Variants in TLN2 observed in about 807,000 individuals in gnomAD.
TLN2 encodes talin-2.
A neutral mutation model predicts 294.7 loss-of-function variants in TLN2; 118 were observed. The ratio of observed to expected loss-of-function variants is 0.40; its 90% CI spans 0.34 to 0.47. The LOEUF (loss-of-function observed/expected upper bound fraction) is 0.47, where lower values mean the gene tolerates loss of function less well. Ranked by LOEUF, TLN2 falls within the 20% of genes least tolerant of loss-of-function variation. The probability of loss-of-function intolerance (pLI) is 0.84; values close to 1 mark genes in which losing one functional copy is unlikely to be tolerated. For synonymous variants in TLN2, 1,431 were observed against 1,304.5 expected (o/e 1.10, Z -2.09); for missense variants, 3,083 against 3,282.2 (o/e 0.94, Z 1.48).
intron 43 of TLN2, among the ~76,000 whole-genome samples, chr15:62,779,873 C>T (rs940585722): frequency 6.6e-6 from 1 of 152,240 alleles, no homozygotes; most frequent in African/African-American, 2.4e-5. Context: ...AGCCACATCA[C>T]GCATAGGCCA....
At chr15:62,472,807 G>A (rs1049709858) in intron 1 of TLN2, among the ~76,000 whole-genome samples, 3 of 152,158 alleles carry the variant, frequency 2.0e-5, no homozygotes, top group East Asian at 3.9e-4. Flanking sequence ...TTGAGCATTC[G>A]TTGAATGAGC....
At chr15:62,796,494 TGCCTTTGACA>T (rs2065488137) in intron 47 of TLN2, among the ~76,000 whole-genome samples, 1 of 152,198 alleles carries the variant, frequency 6.6e-6, no homozygotes, top group South Asian at 2.1e-4. Flanking sequence ...GTTCGAGCTT[TGCCTTTGACA>T]GCCTTAAATC....
At chr15:62,723,208 T>C (rs2060249294) in intron 26 of TLN2, among the ~76,000 whole-genome samples, 1 of 152,326 alleles carries the variant, frequency 6.6e-6, no homozygotes, top group South Asian at 2.1e-4. Flanking sequence ...ATGAGGAGAA[T>C]GCTACACTGC....
chr15:62,756,748 T>G lies in TLN2; in HGVS notation c.4638+1055T>G, dbSNP rs956039199. Among the ~76,000 whole-genome samples the G allele has an allele frequency of 1.1e-4, 16 of 152,188 alleles. 2 individuals are homozygous for G. The highest frequency in any genetic ancestry group is 8.5e-4 in the Admixed American group (13 of 15,282). ...TTTTGTTTTGACTACAAAAAGCCAG[T>G]GCAATTGCATGCAGAAATCAGTCAA... On this transcript the variant is annotated intron_variant, in intron 37 of 58. Transcript: ENST00000636159.
chr15:62,690,056 G>A (rs1190651325), intron 12 of TLN2, among the ~76,000 whole-genome samples: 2 of 75,374 alleles, frequency 2.7e-5, no homozygotes, highest in South Asian at 5.4e-4. Context: ...GGGCAGAGGC[G>A]CCCCTCACCT....
intron 52 of TLN2, among the ~76,000 whole-genome samples, chr15:62,815,177 T>TCACACACACACACACACACACA (rs3055852): frequency 1.4e-5 from 2 of 140,592 alleles, no homozygotes; most frequent in Non-Finnish European, 3.1e-5. Context: ...ATTCTGTCTG[T>TCACACACACACACACACACACA]CACACACACA....
chr15:62,429,108 TG>T (rs1459526679), intron 1 of TLN2, among the ~76,000 whole-genome samples: 2 of 41,048 alleles, frequency 4.9e-5, no homozygotes, highest in Non-Finnish European at 1.2e-4. Flanking sequence ...TGGCTCTGGG[TG>T]GGAACCGGGG....
intron 1 of TLN2, among the ~76,000 whole-genome samples, chr15:62,450,816 C>T (rs936141297): frequency 6.6e-6 from 1 of 152,056 alleles, no homozygotes; most frequent in Non-Finnish European, 1.5e-5. Context: ...AGCTGTCCTT[C>T]TACCTCAGCC....
In TLN2 at chr15:62,719,895, G is replaced by A. The variant is rs1296018439; in HGVS notation, c.2991+15G>A. ...ACTTCCTCCAGGTAACAGGGCTGTGGTCACCTTGGGCTCACTCAGAGCCCT... is the reference window on the plus strand; with the variant it reads ...ACTTCCTCCAGGTAACAGGGCTGTGATCACCTTGGGCTCACTCAGAGCCCT... On this transcript the variant is annotated intron_variant, in intron 25 of 58. Transcript: ENST00000636159. 5.0e-6 allele frequency: 8 copies of A among 1,591,764 alleles called. No individual in the cohort carries two copies. The highest frequency in any genetic ancestry group is 6.8e-6 in the Non-Finnish European group (8 of 1,168,028).
At chr15:62,837,354 G>C (rs75926566) in intron 57 of TLN2, among the ~76,000 whole-genome samples, 5,303 of 152,234 alleles carry the variant, frequency 0.035, 153 homozygotes, top group African/African-American at 0.078. Flanking sequence ...AGAGAGACCT[G>C]GTTCAAGTCC....
intron 51 of TLN2, among the ~76,000 whole-genome samples, chr15:62,806,253 C>T (rs1187641490): frequency 6.6e-6 from 1 of 152,174 alleles, no homozygotes; most frequent in South Asian, 2.1e-4. Flanking sequence ...AAATGACTCT[C>T]TAAGGCAGTT....
At position 62,763,645 on chromosome 15, in the gene TLN2, C is replaced by G. The variant is rs777292508; in HGVS notation, c.5044C>G (p.Leu1682Val). ...CATCCGGGACATCGAGCAGGCCTCG[C>G]TGGCCGCCGTCAGCCAGAGCCTGGC... ...RCIRDIEQAS[L>V]AAVSQSLATR... is the part of the protein sequence containing the mutation. Residue 1682 changes from leucine to valine, a missense_variant, in exon 40 of 59, where the codon CTG becomes GTG. Physicochemically the swap from Leu to Val is conservative, Grantham distance 32. Transcript: ENST00000636159. 1.2e-6 allele frequency: 2 copies of G among 1,613,164 alleles called. No homozygotes were observed. Among genetic ancestry groups the G allele is most frequent in the Admixed American group, 3.3e-5 (2 of 59,986 alleles).
chr15:62,479,466 C>G (rs2037963066), intron 1 of TLN2, among the ~76,000 whole-genome samples: 1 of 152,062 alleles, frequency 6.6e-6, no homozygotes, highest in African/African-American at 2.4e-5. Flanking sequence ...CTGAAGCAGA[C>G]TTCTTTGTCT....
chr15:62,628,769 G>C (rs1249393078), intron 3 of TLN2, among the ~76,000 whole-genome samples: 1 of 152,218 alleles, frequency 6.6e-6, no homozygotes, highest in African/African-American at 2.4e-5. Context: ...ATACTGCCCT[G>C]TACCTTCTTC....
intron 25 of TLN2, among the ~76,000 whole-genome samples, chr15:62,721,253 G>C (rs952169113): frequency 2.6e-5 from 4 of 152,308 alleles, no homozygotes; most frequent in African/African-American, 9.6e-5. Context: ...CCAGGAGGTT[G>C]AACAAATCTA....
Position 62,755,694 on chromosome 15 carries a change from G to T in TLN2, c.4638+1G>T. 6.2e-7 allele frequency: 1 copy of T among 1,614,172 alleles called. No homozygotes were observed. Among genetic ancestry groups the T allele is most frequent in the East Asian group, 2.2e-5 (1 of 44,886 alleles). On this transcript the variant is annotated splice_donor_variant, in intron 37 of 58. Transcript: ENST00000636159. LOFTEE classifies it high-confidence loss of function. Reference sequence around the variant, plus strand: ...TGCCAACCTGGTGAAGACCATCAAGGTAGGTCGCTGGACTACCGGCCTTAT... The same window carrying T: ...TGCCAACCTGGTGAAGACCATCAAGTTAGGTCGCTGGACTACCGGCCTTAT...
rs1242489805 is a variant in TLN2 at position 62,810,047 on chromosome 15, G to T, written c.6771+15G>T. On this transcript the variant is annotated intron_variant, in intron 52 of 58. Transcript: ENST00000636159. Reference sequence around the variant, plus strand: ...ACGTCTTGGTGGTAAGAAAGCGCATGAGTCAGGGCTGGGGAGTAGCTGTGT... The same window carrying T: ...ACGTCTTGGTGGTAAGAAAGCGCATTAGTCAGGGCTGGGGAGTAGCTGTGT... 1 of 1,606,940 alleles carries T rather than the reference G, an allele frequency of 6.2e-7. No individual in the cohort carries two copies. Among genetic ancestry groups the T allele is most frequent in the South Asian group, 1.1e-5 (1 of 90,852 alleles).
At chr15:62,409,734 A>G (rs1045513552) in intron 1 of TLN2, among the ~76,000 whole-genome samples, 7 of 152,208 alleles carry the variant, frequency 4.6e-5, no homozygotes, top group Non-Finnish European at 8.8e-5. Context: ...GCATATTTCA[A>G]AAATTGGTAA....
intron 1 of TLN2, among the ~76,000 whole-genome samples, chr15:62,424,549 T>C (rs2034592941): frequency 6.6e-6 from 1 of 152,226 alleles, no homozygotes; most frequent in Non-Finnish European, 1.5e-5. Flanking sequence ...TGCTGACTGC[T>C]CATTAGGCTC....
Sources: gnomAD v4.1 joint callset for allele counts (sites outside exome capture counted in the v4.1 genomes callset) on GRCh38, gnomAD v4.1.1 for gene constraint, MANE v1.5 for transcripts, NCBI Gene and HGNC (gene_info 2026-07-23, HGNC 2026-07-21) for gene names.